The following PDZD8 variants were observed in gnomAD, a reference collection of about 807,000 sequenced individuals.
PDZD8 encodes PDZ domain containing 8.
A neutral mutation model predicts 85.8 loss-of-function variants in PDZD8; 14 were observed. The observed-to-expected ratio is 0.16, with a 90% CI of 0.11 to 0.26. The LOEUF is 0.26. Among genes scored for constraint, PDZD8 ranks in the 10% least tolerant of loss-of-function variants. The probability of loss-of-function intolerance (pLI) is 1.00; values close to 1 mark genes in which losing one functional copy is unlikely to be tolerated. For synonymous variants in PDZD8, 592 were observed against 568.6 expected (o/e 1.04, Z -0.59); for missense variants, 1,197 against 1,424.3 (o/e 0.84, Z 2.57).
chr10:117,361,657 G>T (rs963876782), intron 1 of PDZD8, among the ~76,000 whole-genome samples: 1 of 152,048 alleles, frequency 6.6e-6, no homozygotes, highest in Non-Finnish European at 1.5e-5. Context: ...TTCCAAATAT[G>T]AAGGGACAAC....
rs145149851 is a variant in PDZD8 at position 117,302,867 on chromosome 10, C to T, written c.1099-12519G>A. On this transcript the variant is annotated intron_variant, in intron 3 of 4. Transcript: ENST00000334464. ...TCTTGCTGCCTCCATGTAAGAAGTG[C>T]CTTTTGCCTCCTGGCATGATTCTGA... Among the ~76,000 whole-genome samples the T allele has an allele frequency of 9.8e-5, 15 of 152,318 alleles. No individual in the cohort carries two copies. The East Asian group carries it at 2.9e-3, about 29-fold the overall frequency.
At chr10:117,372,847 T>G (rs747576331) in intron 1 of PDZD8, among the ~76,000 whole-genome samples, 1 of 152,174 alleles carries the variant, frequency 6.6e-6, no homozygotes, top group Non-Finnish European at 1.5e-5. Flanking sequence ...ATTGGTAAGG[T>G]ACATCTGCCA....
chr10:117,292,057 A>G (rs1328296842), intron 3 of PDZD8, among the ~76,000 whole-genome samples: 2 of 152,198 alleles, frequency 1.3e-5, no homozygotes, highest in Non-Finnish European at 2.9e-5. Flanking sequence ...CACTGCTTTA[A>G]TATATAAATC....
At chr10:117,309,931 C>G (rs899581413) in intron 3 of PDZD8, among the ~76,000 whole-genome samples, 1 of 152,180 alleles carries the variant, frequency 6.6e-6, no homozygotes, top group Admixed American at 6.5e-5. Flanking sequence ...AGCTCTCAAT[C>G]TGCCTGAAGA....
At chr10:117,328,490 C>T (rs1361524156) in intron 2 of PDZD8, among the ~76,000 whole-genome samples, 3 of 152,084 alleles carry the variant, frequency 2.0e-5, no homozygotes, top group Non-Finnish European at 2.9e-5. Context: ...TGGCTCACTG[C>T]TGCCTTGACT....
intron 1 of PDZD8, among the ~76,000 whole-genome samples, chr10:117,344,830 G>C (rs1395359080): frequency 1.8e-4 from 27 of 152,184 alleles, no homozygotes; most frequent in Non-Finnish European, 2.9e-5. Flanking sequence ...GGCAAGTTCA[G>C]TCAAGAGGAG....
chr10:117,346,240 A>G (rs1024606204), intron 1 of PDZD8, among the ~76,000 whole-genome samples: 1 of 151,354 alleles, frequency 6.6e-6, no homozygotes, highest in African/African-American at 2.4e-5. Flanking sequence ...TCCAAAAAAA[A>G]AAAAAAAAAA....
chr10:117,366,128 C>T (rs577474573), intron 1 of PDZD8, among the ~76,000 whole-genome samples: 1 of 152,072 alleles, frequency 6.6e-6, no homozygotes, highest in Non-Finnish European at 1.5e-5. Flanking sequence ...AACGCCTGAG[C>T]CATATGAATC....
intron 1 of PDZD8, among the ~76,000 whole-genome samples, chr10:117,365,870 CCTGGTGACACTGTT>C (rs1241566751): frequency 1.8e-4 from 28 of 152,232 alleles, no homozygotes; most frequent in African/African-American, 6.5e-4. Flanking sequence ...ATACTTGTTT[CCTGGTGACACTGTT>C]CTGAGAAAAC....
intron 2 of PDZD8, among the ~76,000 whole-genome samples, chr10:117,320,882 C>CA (rs1844215852): frequency 6.6e-6 from 1 of 151,988 alleles, no homozygotes; most frequent in Non-Finnish European, 1.5e-5. Context: ...TCCAAAGATG[C>CA]ACGAATGGTC....
intron 1 of PDZD8, among the ~76,000 whole-genome samples, chr10:117,370,793 AAAAAAAATCAGCTTTAT>A (rs1365362828): frequency 6.6e-6 from 1 of 152,060 alleles, no homozygotes; most frequent in African/African-American, 2.4e-5. Flanking sequence ...CAATTTAAGA[AAAAAAAATCAGCTTTAT>A]AGTCATACTC....
At chr10:117,312,507 T>TA (rs1243232861) in intron 3 of PDZD8, among the ~76,000 whole-genome samples, 1 of 152,060 alleles carries the variant, frequency 6.6e-6, no homozygotes, top group Admixed American at 6.5e-5. Flanking sequence ...ATACATAGCG[T>TA]AAAAAAAATA....
Position 117,374,509 on chromosome 10 carries a change from T to TG in PDZD8, c.718dup (p.His240ProfsTer21). The TG allele has an allele frequency of 6.2e-7, 1 of 1,613,116 alleles. No homozygotes were observed. Among genetic ancestry groups the TG allele is most frequent in the Non-Finnish European group, 8.5e-7 (1 of 1,179,594 alleles). ...GTCTTCCACGAAGGAGAAGAACCAG[T>TG]GGGTGAAGGGCACGCGCGTAAAGAC... On this transcript the variant is annotated frameshift_variant, in exon 1 of 5. Coordinates refer to ENST00000334464, the MANE Select transcript of PDZD8 (RefSeq NM_173791.5). LOFTEE classifies it high-confidence loss of function. This position sits in a 1 kb window ranked among gnomAD's most constrained non-coding sequence, Gnocchi z 7.8.
At chr10:117,348,072 G>T (rs1179423790) in intron 1 of PDZD8, among the ~76,000 whole-genome samples, 1 of 152,182 alleles carries the variant, frequency 6.6e-6, no homozygotes, top group Non-Finnish European at 1.5e-5. Flanking sequence ...CAATTAAATT[G>T]TAAGTTTTAA....
intron 2 of PDZD8, among the ~76,000 whole-genome samples, chr10:117,338,102 T>C (rs925282257): frequency 6.6e-6 from 1 of 151,974 alleles, no homozygotes; most frequent in African/African-American, 2.4e-5. Flanking sequence ...AAACTTAAAA[T>C]CTACCTGAAC....
chr10:117,341,057 T>G lies in PDZD8; in HGVS notation c.918A>C (p.Glu306Asp). 6.2e-7 allele frequency: 1 copy of G among 1,613,760 alleles called. No individual in the cohort carries two copies. The part of the protein sequence containing the change: ...FPYQTLQGFE[E>D]DEEHIHIQQW... ...GTTGTATATGGATATGCTCTTCATC[T>G]TCTTCAAATCCTTGCAAGGTCTGGT... Residue 306 changes from glutamate (E) to aspartate (D), a missense_variant, in exon 2 of 5, where the codon GAA becomes GAC. This residue lies in a region of PDZD8 where 344 missense variants were observed against 453.6 expected (regional missense o/e 0.76). Coordinates refer to ENST00000334464, the MANE Select transcript of PDZD8 (RefSeq NM_173791.5).
At chr10:117,345,251 T>C (rs1342639228) in intron 1 of PDZD8, among the ~76,000 whole-genome samples, 1 of 152,210 alleles carries the variant, frequency 6.6e-6, no homozygotes, top group Admixed American at 6.5e-5. Flanking sequence ...GAAAAGCACA[T>C]GTCTTCCTTC....
chr10:117,371,464 C>T (rs1475456639), intron 1 of PDZD8, among the ~76,000 whole-genome samples: 6 of 152,156 alleles, frequency 3.9e-5, no homozygotes, highest in African/African-American at 1.4e-4. Flanking sequence ...GGATCACAGG[C>T]GTGAACCACT....
At chr10:117,302,383 A>G (rs1843861716) in intron 3 of PDZD8, among the ~76,000 whole-genome samples, 1 of 152,232 alleles carries the variant, frequency 6.6e-6, no homozygotes, top group East Asian at 1.9e-4. Flanking sequence ...CATCTTTTTC[A>G]AAGTAAGTAT....
Sources: gnomAD v4.1 joint callset for allele counts (sites outside exome capture counted in the v4.1 genomes callset) on GRCh38, gnomAD v4.1.1 for gene constraint, gnomAD v4.1.1 regional missense constraint, Gnocchi (gnomAD v3.1) non-coding constraint, MANE v1.5 for transcripts, NCBI Gene and HGNC (gene_info 2026-07-23, HGNC 2026-07-21) for gene names.